COG5: variants seen among roughly 807,000 people sequenced by gnomAD.
The protein encoded by COG5 is conserved oligomeric Golgi complex subunit 5.
A neutral mutation model predicts 110.4 loss-of-function variants in COG5; 86 were observed. That is an observed-to-expected ratio of 0.78 (90% confidence interval 0.65 to 0.93). COG5 has a LOEUF of 0.93. Ranked by LOEUF, COG5 falls within the 40% of genes least tolerant of loss-of-function variation. The pLI, the probability that COG5 is intolerant of heterozygous loss-of-function variation, is 0.00. For synonymous variants in COG5, 360 were observed against 334.6 expected (o/e 1.08, Z -0.83); for missense variants, 1,077 against 987.0 (o/e 1.09, Z -1.22).
chr7:107,267,291 G>A (rs1387076453), intron 14 of COG5, among the ~76,000 whole-genome samples: 2 of 152,062 alleles, frequency 1.3e-5, no homozygotes, highest in South Asian at 2.1e-4. Flanking sequence ...GATAAGAAAC[G>A]CAAACACAAT....
chr7:107,386,980 T>C (rs2129055148), intron 7 of COG5, among the ~76,000 whole-genome samples: 1 of 152,252 alleles, frequency 6.6e-6, no homozygotes, highest in East Asian at 1.9e-4. Context: ...ATGGAGGTTT[T>C]GCCTGAACCC....
chr7:107,274,902 G>A (rs1416118132), intron 14 of COG5, among the ~76,000 whole-genome samples: 1 of 152,002 alleles, frequency 6.6e-6, no homozygotes, highest in African/African-American at 2.4e-5. Context: ...ACTTGCCACA[G>A]CCCCCAGAAA....
At chr7:107,506,528 T>C (rs1799020387) in intron 6 of COG5, among the ~76,000 whole-genome samples, 1 of 152,160 alleles carries the variant, frequency 6.6e-6, no homozygotes, top group Non-Finnish European at 1.5e-5. Flanking sequence ...GTGTATTAAC[T>C]GTCTCTGCTG....
Position 107,214,345 on chromosome 7 carries a change from T to C in COG5, c.2169-3120A>G, listed in dbSNP as rs149943971. Among the ~76,000 whole-genome samples, 849 of 152,210 alleles carry C rather than the reference T, an allele frequency of 5.6e-3. 7 individuals carry two copies. Among genetic ancestry groups the C allele is most frequent in the African/African-American group, 0.019 (805 of 41,534 alleles). ...GGGCAGCATAAAATGAGATGATATA[T>C]TTAAAGTGCTGCCAACCAAAAAAGC... is the stretch of plus-strand genomic sequence containing the variant. On this transcript the variant is annotated intron_variant, in intron 19 of 21. Transcript: ENST00000297135.
intron 6 of COG5, among the ~76,000 whole-genome samples, chr7:107,520,364 C>T (rs1800241175): frequency 6.6e-6 from 1 of 152,010 alleles, no homozygotes; most frequent in South Asian, 2.1e-4. Context: ...TTGTCTGTTT[C>T]CAGATGACAT....
chr7:107,455,019 A>G (rs924228826), intron 6 of COG5, among the ~76,000 whole-genome samples: 6 of 152,184 alleles, frequency 3.9e-5, no homozygotes, highest in African/African-American at 1.4e-4. Flanking sequence ...TGAGTATGTA[A>G]AACACCTTAT....
intron 18 of COG5, among the ~76,000 whole-genome samples, chr7:107,235,259 T>C (rs1801092798): frequency 6.6e-6 from 1 of 152,182 alleles, no homozygotes; most frequent in African/African-American, 2.4e-5. Flanking sequence ...GTAGAAATAA[T>C]GAAGCAAGAC....
At chr7:107,443,811 A>G (rs6943051) in intron 6 of COG5, among the ~76,000 whole-genome samples, 9,213 of 152,174 alleles carry the variant, frequency 0.061, 374 homozygotes, top group Non-Finnish European at 0.084. Flanking sequence ...CATTCCACTC[A>G]CAGTCTCTCC....
chr7:107,307,369 T>C (rs1476535890), intron 11 of COG5, among the ~76,000 whole-genome samples: 1 of 152,228 alleles, frequency 6.6e-6, no homozygotes, highest in Non-Finnish European at 1.5e-5. Context: ...TTCCTTCCTC[T>C]GCCTTAAGTG....
At chr7:107,505,143 A>C (rs1223117634) in intron 6 of COG5, among the ~76,000 whole-genome samples, 4 of 151,868 alleles carry the variant, frequency 2.6e-5, no homozygotes, top group Non-Finnish European at 5.9e-5. Context: ...GCACTTTTTT[A>C]TTTATTTTTT....
intron 6 of COG5, among the ~76,000 whole-genome samples, chr7:107,430,246 A>AT (rs1793928484): frequency 6.6e-6 from 1 of 152,198 alleles, no homozygotes; most frequent in African/African-American, 2.4e-5. Context: ...TATATGATAC[A>AT]TTTTTAGTTC....
intron 11 of COG5, among the ~76,000 whole-genome samples, chr7:107,313,472 GC>G (rs1433191450): frequency 1.3e-5 from 2 of 152,138 alleles, no homozygotes; most frequent in African/African-American, 4.8e-5. Context: ...TACCTAATAA[GC>G]TGAGAAAACA....
intron 12 of COG5, among the ~76,000 whole-genome samples, chr7:107,294,903 GT>G (rs1806496552): frequency 9.1e-6 from 1 of 109,608 alleles, no homozygotes; most frequent in Non-Finnish European, 1.9e-5. Flanking sequence ...GTGTGTGTGT[GT>G]GTGTGTGTGT....
At chr7:107,548,246 A>G (rs1802607709) in intron 4 of COG5, 32 bp downstream of exon 4, 2 of 1,602,072 alleles carry the variant, frequency 1.2e-6, no homozygotes, top group African/African-American at 2.7e-5. Context: ...AAACATTCCC[A>G]TTCCATTTAT....
intron 10 of COG5, among the ~76,000 whole-genome samples, chr7:107,330,100 T>C (rs1810111113): frequency 6.6e-6 from 1 of 152,216 alleles, no homozygotes. Context: ...TGGAAGGATA[T>C]TTGACAATGA....
At chr7:107,420,288 A>G (rs76367661) in intron 6 of COG5, among the ~76,000 whole-genome samples, 1 of 152,312 alleles carries the variant, frequency 6.6e-6, no homozygotes, top group South Asian at 2.1e-4. Flanking sequence ...AAGTAAGGCA[A>G]TATGCATGAA....
chr7:107,504,560 G>A (rs1296881744), intron 6 of COG5, among the ~76,000 whole-genome samples: 1 of 152,132 alleles, frequency 6.6e-6, no homozygotes, highest in Non-Finnish European at 1.5e-5. Context: ...TGCAATAGTT[G>A]CAGTAAGATT....
chr7:107,278,628 C>T (rs1346959967), intron 14 of COG5, among the ~76,000 whole-genome samples: 2 of 152,088 alleles, frequency 1.3e-5, no homozygotes, highest in African/African-American at 2.4e-5. Context: ...GCAGAAATAA[C>T]GTCACACATC....
chr7:107,532,207 C>T (rs926579362), intron 5 of COG5, among the ~76,000 whole-genome samples: 1 of 152,116 alleles, frequency 6.6e-6, no homozygotes, highest in African/African-American at 2.4e-5. Context: ...CATGTGTCTG[C>T]CACCATGCCT....
Sources: allele counts gnomAD v4.1 joint callset (sites outside exome capture counted in the v4.1 genomes callset), GRCh38; gene constraint gnomAD v4.1.1; transcripts MANE v1.5; gene names NCBI Gene and HGNC (gene_info 2026-07-23, HGNC 2026-07-21).